The following ADAMTSL1 variants were observed in gnomAD, a reference collection of about 807,000 sequenced individuals.
ADAMTSL1 encodes the protein ADAMTS-like protein 1.
In ADAMTSL1, 126 loss-of-function variants were observed where a neutral mutation model predicts 201.8. The ratio of observed to expected loss-of-function variants is 0.62; its 90% CI spans 0.54 to 0.72. ADAMTSL1 has a LOEUF of 0.72. ADAMTSL1 is among the 30% of genes least tolerant of loss of function. The probability of loss-of-function intolerance (pLI) is 0.00; values close to 1 mark genes in which losing one functional copy is unlikely to be tolerated. For synonymous variants in ADAMTSL1, 1,121 were observed against 903.4 expected, an observed-to-expected ratio of 1.24 and a Z score of -4.32; for missense variants, 2,679 against 2,277.8, an observed-to-expected ratio of 1.18 and a Z score of -3.59.
At chr9:18,612,415 C>T (rs1364209034) in intron 4 of ADAMTSL1, among the ~76,000 whole-genome samples, 1 of 152,088 alleles carries the variant, frequency 6.6e-6, no homozygotes, top group Non-Finnish European at 1.5e-5. Context: ...GTGGTGTTGC[C>T]TATAGGCTGA....
chr9:18,721,253 T>C (rs1833346005), intron 14 of ADAMTSL1, among the ~76,000 whole-genome samples: 1 of 152,216 alleles, frequency 6.6e-6, no homozygotes, highest in African/African-American at 2.4e-5. Flanking sequence ...CGTGGCATTT[T>C]TTTAAGCATT....
intron 1 of ADAMTSL1, among the ~76,000 whole-genome samples, chr9:17,983,159 C>G (rs1818789005): frequency 6.6e-6 from 1 of 150,566 alleles, no homozygotes; most frequent in African/African-American, 2.4e-5. Flanking sequence ...AACCTCCAGC[C>G]TCCTGGGTTC....
intron 1 of ADAMTSL1, among the ~76,000 whole-genome samples, chr9:18,137,599 C>T (rs147516049): frequency 9.5e-4 from 144 of 152,158 alleles, no homozygotes; most frequent in Middle Eastern, 3.4e-3. Flanking sequence ...CTGCAATAGA[C>T]GAATTTTTCC....
chr9:18,242,352 G>GA (rs1831103471), intron 2 of ADAMTSL1, among the ~76,000 whole-genome samples: 1 of 152,034 alleles, frequency 6.6e-6, no homozygotes, highest in Admixed American at 6.6e-5. Context: ...GGTAAATACG[G>GA]AAAATTCCTC....
At chr9:18,387,643 C>CA (rs1837859586) in intron 2 of ADAMTSL1, among the ~76,000 whole-genome samples, 1 of 151,108 alleles carries the variant, frequency 6.6e-6, no homozygotes, top group African/African-American at 2.5e-5. Flanking sequence ...TATTTATTTT[C>CA]ATTTGTTTTT....
rs185443146 is a variant in ADAMTSL1, at chr9:17,973,917, C to G, written c.87+66995C>G. The stretch of plus-strand genomic sequence containing the variant: ...GTTGGATTTCTAGGTATTTTATTCT[C>G]TTTGAAGCAATTGTGAATGGGAGTT... On this transcript the variant is annotated intron_variant, in intron 1 of 29. Coordinates refer to the ADAMTSL1 transcript ENST00000680146. Among the ~76,000 whole-genome samples, 1,299 of 150,996 alleles carry G rather than the reference C, an allele frequency of 8.6e-3. 8 individuals carry two copies. Among genetic ancestry groups the G allele is most frequent in the African/African-American group, 0.03 (1,218 of 41,162 alleles).
At chr9:17,996,013 A>G (rs1324842534) in intron 1 of ADAMTSL1, among the ~76,000 whole-genome samples, 1 of 152,016 alleles carries the variant, frequency 6.6e-6, no homozygotes. Flanking sequence ...GCTCAAAGCA[A>G]GTGCTTTATA....
rs536380873 is a variant in ADAMTSL1 at position 18,791,287 on chromosome 9, G to A, written c.3678-4110G>A. Among the ~76,000 whole-genome samples, 160 of 152,288 alleles carry A rather than the reference G, an allele frequency of 1.1e-3. 1 individual carries two copies. Among genetic ancestry groups the A allele is most frequent in the African/African-American group, 3.7e-3 (155 of 41,564 alleles). ...AGAACTACTGCTCCGCCTAGTGGCAGCCTTCAAGCCTTCATCTACCAATTT... is the reference window on the plus strand; with the variant it reads ...AGAACTACTGCTCCGCCTAGTGGCAACCTTCAAGCCTTCATCTACCAATTT... On this transcript the variant is annotated intron_variant, in intron 19 of 28. Transcript: ENST00000380548.
intron 1 of ADAMTSL1, among the ~76,000 whole-genome samples, chr9:18,005,077 G>A (rs10810880): frequency 0.34 from 51,932 of 152,012 alleles, 9,071 homozygotes; most frequent in African/African-American, 0.43. Context: ...AGTTTGATCC[G>A]TGCTCTGACG....
Position 18,887,771 on chromosome 9 carries a change from G to A in ADAMTSL1, c.4250-60G>A, listed in dbSNP as rs947873148. 2.8e-6 allele frequency: 4 copies of A among 1,442,194 alleles called. No individual in the cohort carries two copies. In the South Asian group the frequency reaches 3.6e-5, roughly 13 times the overall value. 89.3% of individuals were successfully genotyped at this position (1,442,194 alleles called of 1,614,324 possible). A position where few individuals can be genotyped will look rare whatever the true frequency, so the allele number is the denominator to read the frequency against. On this transcript the variant is annotated intron_variant, in intron 23 of 28. Transcript: ENST00000380548. ...AGAGCCACACAGACAGTAAACCAGTGCACCAGCAATGTGTTCCTTATGGCT... is the reference window on the plus strand; with the variant it reads ...AGAGCCACACAGACAGTAAACCAGTACACCAGCAATGTGTTCCTTATGGCT...
intron 1 of ADAMTSL1, among the ~76,000 whole-genome samples, chr9:18,496,590 C>T (rs749611839): frequency 2.6e-5 from 4 of 152,216 alleles, no homozygotes; most frequent in Non-Finnish European, 5.9e-5. Context: ...GTTAGCTAGT[C>T]ATTTCATGCA....
intron 1 of ADAMTSL1, among the ~76,000 whole-genome samples, chr9:18,503,234 G>C (rs1470000754): frequency 3.3e-5 from 5 of 151,472 alleles, no homozygotes; most frequent in African/African-American, 1.2e-4. Context: ...CCCCATTCTA[G>C]ACACAGACAC....
intron 4 of ADAMTSL1, among the ~76,000 whole-genome samples, chr9:18,612,680 G>T (rs1313531361): frequency 1.3e-5 from 2 of 152,138 alleles, no homozygotes; most frequent in Non-Finnish European, 2.9e-5. Context: ...GCAGAAAATT[G>T]AAACTGGATC....
intron 2 of ADAMTSL1, among the ~76,000 whole-genome samples, chr9:18,179,662 C>G (rs1484501104): frequency 4.6e-5 from 7 of 152,184 alleles, no homozygotes; most frequent in African/African-American, 1.7e-4. Flanking sequence ...GCCCATCAGA[C>G]TAACAGCGGA....
chr9:18,166,944 C>T (rs559676494), intron 2 of ADAMTSL1, among the ~76,000 whole-genome samples: 1 of 151,876 alleles, frequency 6.6e-6, no homozygotes, highest in African/African-American at 2.4e-5. Flanking sequence ...TTTTGCATTG[C>T]GTTAGAAAAA....
In ADAMTSL1 at chr9:18,906,886, G is replaced by C. The variant is rs770464565; in HGVS notation, c.5156G>C (p.Arg1719Pro). The C allele has an allele frequency of 6.2e-7, 1 of 1,613,844 alleles. No homozygotes were observed. The highest frequency in any genetic ancestry group is 1.3e-5 in the African/African-American group (1 of 74,934). Reference protein sequence around the residue: ...SWGPRPANWQRCNITPCENME... With the variant: ...SWGPRPANWQPCNITPCENME... The stretch of plus-strand genomic sequence containing the variant: ...GGGCCCCGGCCTGCCAACTGGCAGC[G>C]CTGCAACATCACCCCATGTGAAAAC... Residue 1719 changes from arginine (R) to proline (P), a missense_variant, in exon 28 of 29, where the codon CGC (arginine) becomes CCC (proline). Arg to Pro is a moderately radical substitution (Grantham distance 103). Coordinates refer to ENST00000380548, the MANE Select transcript of ADAMTSL1 (RefSeq NM_001040272.6).
chr9:17,970,605 T>G (rs1818168615), intron 1 of ADAMTSL1, among the ~76,000 whole-genome samples: 1 of 152,068 alleles, frequency 6.6e-6, no homozygotes, highest in African/African-American at 2.4e-5. Context: ...CTGTTTCCTG[T>G]GTACAGAATG....
At position 18,550,172 on chromosome 9, in the gene ADAMTSL1, A is replaced by G. The variant is rs371190060; in HGVS notation, c.237+16880A>G. On this transcript the variant is annotated intron_variant, in intron 3 of 28. Transcript: ENST00000380548. ...CATCTACAGTTAATATGGTAACACA[A>G]TGGTTCTCCAAAGATATCTATGTCC... Among the ~76,000 whole-genome samples the G allele has an allele frequency of 7.2e-5, 11 of 152,112 alleles. No homozygotes were observed. The South Asian group carries it at 1.7e-3, about 23-fold the overall frequency.
At chr9:18,679,163 CA>C (rs978523428) in intron 10 of ADAMTSL1, among the ~76,000 whole-genome samples, 1 of 152,068 alleles carries the variant, frequency 6.6e-6, no homozygotes, top group African/African-American at 2.4e-5. Flanking sequence ...ACAATGTACA[CA>C]AAAAACCCGC....
Sources: allele counts gnomAD v4.1 joint callset (sites outside exome capture counted in the v4.1 genomes callset), GRCh38; gene constraint gnomAD v4.1.1; transcripts MANE v1.5; gene names NCBI Gene and HGNC (gene_info 2026-07-23, HGNC 2026-07-21).